The following STIM1 variants were observed in gnomAD, a reference collection of about 807,000 sequenced individuals.
STIM1 encodes stromal interaction molecule 1.
A neutral mutation model predicts 74.7 loss-of-function variants in STIM1; 25 were observed. That is an observed-to-expected ratio of 0.33 (90% CI 0.24 to 0.47). The LOEUF (loss-of-function observed/expected upper bound fraction) is 0.47, where lower values mean the gene tolerates loss of function less well. Among genes scored for constraint, STIM1 ranks in the 20% least tolerant of loss-of-function variants. The pLI is 1.00. For missense variants in STIM1, 728 were observed against 920.8 expected (o/e 0.79, Z 2.71); for synonymous variants, 328 against 348.8 (o/e 0.94, Z 0.66).
intron 1 of STIM1, among the ~76,000 whole-genome samples, chr11:3,905,804 T>C (rs548516177): frequency 1.2e-4 from 19 of 152,016 alleles, no homozygotes; most frequent in African/African-American, 4.4e-4. Context: ...CCCAGTGCTA[T>C]TTTTTTTCCA....
At chr11:3,971,417 T>C (rs1366075307) in intron 2 of STIM1, among the ~76,000 whole-genome samples, 1 of 152,054 alleles carries the variant, frequency 6.6e-6, no homozygotes, top group Non-Finnish European at 1.5e-5. Context: ...TAGTCCTAGC[T>C]ACTCTGGAGG....
At chr11:3,862,619 TG>T (rs2090663591) in intron 1 of STIM1, among the ~76,000 whole-genome samples, 1 of 152,090 alleles carries the variant, frequency 6.6e-6, no homozygotes, top group Non-Finnish European at 1.5e-5. Context: ...GCTAATTTTT[TG>T]TATTTTTAGT....
At chr11:3,904,729 T>G (rs1444105715) in intron 1 of STIM1, among the ~76,000 whole-genome samples, 2 of 151,894 alleles carry the variant, frequency 1.3e-5, no homozygotes, top group Admixed American at 6.6e-5. Flanking sequence ...CAGTGTTAGG[T>G]GACTGGGCAT....
chr11:4,001,984 CAAAG>C (rs1380008961), intron 2 of STIM1, among the ~76,000 whole-genome samples: 3 of 136,254 alleles, frequency 2.2e-5, no homozygotes, highest in Non-Finnish European at 4.7e-5. Context: ...TCAAAAGAGA[CAAAG>C]AAGGCCATTA....
chr11:3,999,900 C>A lies in STIM1; in HGVS notation c.271-23973C>A, dbSNP rs184613294. ...CCACCCGAATACTGCACTTTTCCGA[C>A]GGGCTTAGGAAATGGCGCACCAGGA... is the stretch of plus-strand genomic sequence containing the variant. On this transcript the variant is annotated intron_variant, in intron 2 of 12. Coordinates refer to ENST00000526596, the MANE Select transcript of STIM1 (RefSeq NM_001382567.1). Among the ~76,000 whole-genome samples the A allele has an allele frequency of 9.2e-5, 14 of 152,286 alleles. No homozygotes were observed. In the South Asian group the frequency reaches 2.9e-3, roughly 32 times the overall value.
At chr11:4,057,169 C>T (rs1337465963) in intron 4 of STIM1, among the ~76,000 whole-genome samples, 1 of 152,194 alleles carries the variant, frequency 6.6e-6, no homozygotes, top group Non-Finnish European at 1.5e-5. Flanking sequence ...AGGTTTCTTT[C>T]TTGCTACCCA....
chr11:4,025,118 A>G (rs150197983), intron 3 of STIM1, among the ~76,000 whole-genome samples: 293 of 152,326 alleles, frequency 1.9e-3, no homozygotes, highest in Middle Eastern at 0.017. Context: ...ATGCTTTTCA[A>G]TACCCTCTTG....
intron 2 of STIM1, among the ~76,000 whole-genome samples, chr11:3,968,564 T>C (rs992989555): frequency 3.3e-5 from 5 of 152,168 alleles, no homozygotes; most frequent in African/African-American, 1.2e-4. Context: ...TTGGAAAGTA[T>C]GAAACAAAGA....
At chr11:4,083,773 A>G (rs1387670724) in intron 10 of STIM1, 1 of 464,902 alleles carries the variant, frequency 2.2e-6, no homozygotes, top group Non-Finnish European at 3.9e-6. Flanking sequence ...GTCCCTAACT[A>G]CCACTCTATC....
At chr11:3,977,043 C>G (rs563443352) in intron 2 of STIM1, among the ~76,000 whole-genome samples, 1 of 152,262 alleles carries the variant, frequency 6.6e-6, no homozygotes, top group African/African-American at 2.4e-5. Context: ...GATCTGCCCG[C>G]CTCCAGCTCC....
chr11:3,918,378 G>A (rs761573611), intron 1 of STIM1, among the ~76,000 whole-genome samples: 20 of 151,988 alleles, frequency 1.3e-4, no homozygotes, highest in Non-Finnish European at 2.4e-4. Context: ...TTAGCTGGGC[G>A]TGGTGGCTTG....
intron 1 of STIM1, among the ~76,000 whole-genome samples, chr11:3,872,091 C>G (rs1048192427): frequency 6.6e-6 from 1 of 152,096 alleles, no homozygotes; most frequent in African/African-American, 2.4e-5. Context: ...CTACCTCTGT[C>G]GCCCAGGCTG....
Position 3,881,887 on chromosome 11 carries a change from G to T in STIM1, c.139+25478G>T, listed in dbSNP as rs370869714. Among the ~76,000 whole-genome samples the T allele has an allele frequency of 9.3e-5, 14 of 150,066 alleles. No homozygotes were observed. The South Asian group carries it at 1.7e-3, about 18-fold the overall frequency. On this transcript the variant is annotated intron_variant, in intron 1 of 12. Transcript: ENST00000526596. ...GGGGTTCGCCATGTTGGCCAAGCTG[G>T]TCTCGAACTCCTGACCTCAGGTGAT...
chr11:4,068,511 A>G (rs996894663), intron 5 of STIM1, among the ~76,000 whole-genome samples: 13 of 152,188 alleles, frequency 8.5e-5, no homozygotes, highest in Non-Finnish European at 1.3e-4. Flanking sequence ...TGTTCCAGGA[A>G]GTAAGGCAAC....
rs1267493437 is a variant in STIM1 at position 3,943,706 on chromosome 11, A to G, written c.140-23846A>G. Among the ~76,000 whole-genome samples, 3 of 152,216 alleles carry G rather than the reference A, an allele frequency of 2.0e-5. 1 individual carries two copies. Among genetic ancestry groups the G allele is most frequent in the Non-Finnish European group, 4.4e-5 (3 of 68,032 alleles). On this transcript the variant is annotated intron_variant, in intron 1 of 12. Coordinates refer to ENST00000526596, the MANE Select transcript of STIM1 (RefSeq NM_001382567.1). ...CACTTGAGCCCAGGAGTTTGAGGCT[A>G]GCCTGGGCAACAGGAGAGACTCTGT...
At chr11:4,043,769 C>A (rs1038918245) in intron 3 of STIM1, among the ~76,000 whole-genome samples, 3 of 152,114 alleles carry the variant, frequency 2.0e-5, no homozygotes, top group Non-Finnish European at 4.4e-5. Context: ...GTAATCCCAG[C>A]ACTTTGGGAG....
At chr11:4,030,213 C>A (rs1447360094) in intron 3 of STIM1, among the ~76,000 whole-genome samples, 1 of 151,840 alleles carries the variant, frequency 6.6e-6, no homozygotes, top group Non-Finnish European at 1.5e-5. Context: ...TCTATAATCC[C>A]AGCTACTCGG....
intron 2 of STIM1, among the ~76,000 whole-genome samples, chr11:3,990,475 A>G (rs1267785005): frequency 6.6e-6 from 1 of 152,224 alleles, no homozygotes; most frequent in Non-Finnish European, 1.5e-5. Flanking sequence ...GCTGGGTCAT[A>G]TGGTAACTGT....
chr11:4,063,948 C>T (rs2094348973), intron 5 of STIM1, among the ~76,000 whole-genome samples: 1 of 152,166 alleles, frequency 6.6e-6, no homozygotes, highest in South Asian at 2.1e-4. Context: ...CTGGTGTCTG[C>T]ATCCTGTATT....
Sources: allele counts gnomAD v4.1 joint callset (sites outside exome capture counted in the v4.1 genomes callset), GRCh38; gene constraint gnomAD v4.1.1; transcripts MANE v1.5; gene names NCBI Gene and HGNC (gene_info 2026-07-23, HGNC 2026-07-21).